MAP3K20: variants seen among roughly 807,000 people sequenced by gnomAD.
MAP3K20 encodes HCCS-4.
A neutral mutation model predicts 85.7 loss-of-function variants in MAP3K20; 40 were observed. That is an observed-to-expected ratio of 0.47 (90% CI 0.36 to 0.61). The LOEUF is 0.61. Ranked by LOEUF, MAP3K20 falls within the 20% of genes least tolerant of loss-of-function variation. The probability of loss-of-function intolerance (pLI) is 0.00; values close to 1 mark genes in which losing one functional copy is unlikely to be tolerated. For missense variants in MAP3K20, 817 were observed against 961.7 expected, an observed-to-expected ratio of 0.85 and a Z score of 1.99; for synonymous variants, 325 against 327.7, an observed-to-expected ratio of 0.99 and a Z score of 0.09.
chr2:173,120,254 A>T (rs1474436633), intron 2 of MAP3K20, among the ~76,000 whole-genome samples: 1 of 152,012 alleles, frequency 6.6e-6, no homozygotes, highest in Non-Finnish European at 1.5e-5. Context: ...GCTTTACCTG[A>T]TGGGGTGACC....
chr2:173,171,121 T>C (rs1689987245), intron 3 of MAP3K20, among the ~76,000 whole-genome samples: 1 of 152,212 alleles, frequency 6.6e-6, no homozygotes, highest in African/African-American at 2.4e-5. Context: ...TCTATATTTC[T>C]TATAAATGTG....
intron 10 of MAP3K20, among the ~76,000 whole-genome samples, chr2:173,215,155 A>G (rs921995388): frequency 1.3e-5 from 2 of 152,208 alleles, no homozygotes; most frequent in African/African-American, 4.8e-5. Flanking sequence ...GTGGCCATTT[A>G]CCCTGGTCTA....
chr2:173,247,717 TAATA>T (rs1187044059), intron 16 of MAP3K20, among the ~76,000 whole-genome samples: 1 of 151,242 alleles, frequency 6.6e-6, no homozygotes, highest in Admixed American at 6.6e-5. Context: ...AAATAATAAC[TAATA>T]AATAAGAGGG....
At chr2:173,197,409 A>G (rs1368222652) in intron 7 of MAP3K20, among the ~76,000 whole-genome samples, 1 of 152,220 alleles carries the variant, frequency 6.6e-6, no homozygotes, top group African/African-American at 2.4e-5. Flanking sequence ...ATCTTAGAGT[A>G]TGGTATAATA....
Position 173,147,446 on chromosome 2 carries a change from T to C in MAP3K20, c.160-22359T>C, listed in dbSNP as rs368735170. Reference sequence around the variant, plus strand: ...AGCCAGGATATGTCATATGGCCACATTTAGCTTCAAGTGGGGTTGGGAAAT... The same window carrying C: ...AGCCAGGATATGTCATATGGCCACACTTAGCTTCAAGTGGGGTTGGGAAAT... On this transcript the variant is annotated intron_variant, in intron 2 of 19. Coordinates refer to ENST00000375213, the MANE Select transcript of MAP3K20 (RefSeq NM_016653.3). 5.2e-4 allele frequency among the ~76,000 whole-genome samples: 79 copies of C among 152,326 alleles called. 1 individual carries two copies. The South Asian group carries it at 8.9e-3, about 17-fold the overall frequency.
chr2:173,266,973 C>T lies in MAP3K20; in HGVS notation c.*223C>T, dbSNP rs868802690. On this transcript the variant is annotated 3_prime_UTR_variant, in exon 20 of 20. Coordinates refer to ENST00000375213, the MANE Select transcript of MAP3K20 (RefSeq NM_016653.3). Reference sequence around the variant, plus strand: ...ATAACTAGGCTTGAAAATCACTACACATATTTTCTGCCTTGAGTGAACATT... The same window carrying T: ...ATAACTAGGCTTGAAAATCACTACATATATTTTCTGCCTTGAGTGAACATT... 4 of 370,680 alleles carry T rather than the reference C, an allele frequency of 1.1e-5. No homozygotes were observed. The highest frequency in any genetic ancestry group is 1.4e-5 in the Non-Finnish European group (3 of 209,836). The allele number at this position is 370,680 out of a possible 1,614,324, so 23.0% of individuals were successfully genotyped here. A position where few individuals can be genotyped will look rare whatever the true frequency, so the allele number is the denominator to read the frequency against.
chr2:173,164,610 G>A (rs1474084971), intron 2 of MAP3K20, among the ~76,000 whole-genome samples: 2 of 152,106 alleles, frequency 1.3e-5, no homozygotes. Flanking sequence ...AATCTTTTAA[G>A]GAGTCTATGG....
chr2:173,215,469 G>A (rs2106312908), intron 10 of MAP3K20, among the ~76,000 whole-genome samples: 1 of 152,278 alleles, frequency 6.6e-6, no homozygotes, highest in East Asian at 1.9e-4. Context: ...GATAAAATTT[G>A]GATTTTATGG....
At chr2:173,087,241 C>G (rs1687168508) in intron 1 of MAP3K20, among the ~76,000 whole-genome samples, 1 of 152,172 alleles carries the variant, frequency 6.6e-6, no homozygotes, top group African/African-American at 2.4e-5. Flanking sequence ...AAGAAAGGTG[C>G]TGTGGCACAT....
intron 11 of MAP3K20, chr2:173,221,223 C>T: frequency 1.2e-6 from 2 of 1,612,836 alleles, no homozygotes; most frequent in Non-Finnish European, 1.7e-6. Flanking sequence ...TCAAACAGTG[C>T]AGAGATGTCA....
chr2:173,235,366 GAAC>G (rs1684623986), intron 14 of MAP3K20, among the ~76,000 whole-genome samples: 1 of 152,208 alleles, frequency 6.6e-6, no homozygotes, highest in African/African-American at 2.4e-5. Context: ...CCGTCTCTCA[GAAC>G]AACTGTTATC....
chr2:173,099,772 C>T (rs1246319376), intron 2 of MAP3K20, among the ~76,000 whole-genome samples: 1 of 152,208 alleles, frequency 6.6e-6, no homozygotes, highest in Non-Finnish European at 1.5e-5. Flanking sequence ...CTGCCTGTGA[C>T]TCTGCATTCC....
chr2:173,256,513 ATAGATAGATAG>A (rs1685164775), intron 16 of MAP3K20, among the ~76,000 whole-genome samples: 1 of 150,722 alleles, frequency 6.6e-6, no homozygotes, highest in African/African-American at 2.5e-5. Flanking sequence ...AGATAGATAG[ATAGATAGATAG>A]ATAGATAGAC....
intron 2 of MAP3K20, among the ~76,000 whole-genome samples, chr2:173,148,722 G>A (rs186125090): frequency 2.3e-4 from 35 of 152,264 alleles, no homozygotes; most frequent in Non-Finnish European, 4.3e-4. Flanking sequence ...GAAATGTGTG[G>A]GTATTTGTTA....
intron 3 of MAP3K20, among the ~76,000 whole-genome samples, chr2:173,171,140 A>G (rs1689987828): frequency 6.6e-6 from 1 of 152,222 alleles, no homozygotes; most frequent in South Asian, 2.1e-4. Flanking sequence ...TGAATACCCA[A>G]GAATGGGTTA....
At chr2:173,255,783 C>T (rs988766342) in intron 16 of MAP3K20, among the ~76,000 whole-genome samples, 3 of 152,210 alleles carry the variant, frequency 2.0e-5, no homozygotes, top group Non-Finnish European at 4.4e-5. Context: ...ACTTGACAGG[C>T]AAAAGAAACT....
intron 7 of MAP3K20, among the ~76,000 whole-genome samples, chr2:173,194,962 G>A (rs1193291495): frequency 6.6e-6 from 1 of 152,028 alleles, no homozygotes; most frequent in African/African-American, 2.4e-5. Context: ...AATGTGCTGT[G>A]AATGCCAGAA....
chr2:173,125,852 T>A (rs1415952382), intron 2 of MAP3K20, among the ~76,000 whole-genome samples: 4 of 151,990 alleles, frequency 2.6e-5, no homozygotes, highest in Non-Finnish European at 5.9e-5. Flanking sequence ...TTAGTAGAGA[T>A]GGGGTTTCAC....
chr2:173,217,051 G>A, intron 10 of MAP3K20, 64 bp from the exon 11 acceptor site: 5 of 1,338,384 alleles, frequency 3.7e-6, no homozygotes, highest in Non-Finnish European at 4.8e-6. Context: ...CATTCTGATG[G>A]ACCCACTAAG....
Sources: allele counts gnomAD v4.1 joint callset (sites outside exome capture counted in the v4.1 genomes callset), GRCh38; gene constraint gnomAD v4.1.1; transcripts MANE v1.5; gene names NCBI Gene and HGNC (gene_info 2026-07-23, HGNC 2026-07-21).